TSHZ2: variants seen among roughly 807,000 people sequenced by gnomAD.
TSHZ2 encodes the protein teashirt zinc finger homeobox 2, also known as teashirt homolog 2.
TSHZ2 carries 21 observed loss-of-function variants against 74.4 expected under a neutral mutation model. The ratio of observed to expected loss-of-function variants is 0.28; its 90% CI spans 0.20 to 0.41. TSHZ2 has a LOEUF of 0.41. Among genes scored for constraint, TSHZ2 ranks in the 10% least tolerant of loss-of-function variants. The pLI is 1.00. For synonymous variants in TSHZ2, 540 were observed against 515.3 expected (o/e 1.05, Z -0.65); for missense variants, 1,244 against 1,293.5 (o/e 0.96, Z 0.59).
chr20:52,992,069 T>C (rs1353976859), intron 1 of TSHZ2, among the ~76,000 whole-genome samples: 1 of 152,180 alleles, frequency 6.6e-6, no homozygotes, highest in East Asian at 1.9e-4. Context: ...GAAAATTTGC[T>C]CTCAATGGGA....
rs976652188 is a variant in TSHZ2 at position 53,494,767 on chromosome 20, TC to T, written c.*7634del. The T allele has an allele frequency of 2.0e-5, 3 of 152,088 alleles. No homozygotes were observed. The highest frequency in any genetic ancestry group is 7.2e-5 in the African/African-American group (3 of 41,480). The allele number at this position is 152,088 out of a possible 1,614,324, so 9.4% of individuals were successfully genotyped here. A position where few individuals can be genotyped will look rare whatever the true frequency, so the allele number is the denominator to read the frequency against. On this transcript the variant is annotated 3_prime_UTR_variant, in exon 3 of 3. Coordinates refer to ENST00000371497, the MANE Select transcript of TSHZ2 (RefSeq NM_173485.6). ...CCAAGGTTATATGGAGCCCCTGATT[TC>T]CATCAAAAAGGTTTCTATAAGTATA...
intron 2 of TSHZ2, among the ~76,000 whole-genome samples, chr20:53,320,060 G>A (rs575161123): frequency 1.3e-5 from 2 of 152,128 alleles, no homozygotes; most frequent in Non-Finnish European, 1.5e-5. Context: ...ATCTTTCTGA[G>A]CCTATGCACT....
chr20:53,158,704 A>T (rs1253293412), intron 1 of TSHZ2, among the ~76,000 whole-genome samples: 1 of 152,128 alleles, frequency 6.6e-6, no homozygotes, highest in Non-Finnish European at 1.5e-5. Flanking sequence ...TCCAGCTGTG[A>T]TAATGTCGTG....
At chr20:52,999,843 C>A (rs982871079) in intron 1 of TSHZ2, among the ~76,000 whole-genome samples, 32 of 152,148 alleles carry the variant, frequency 2.1e-4, no homozygotes, top group African/African-American at 7.5e-4. Flanking sequence ...TATACCCCAA[C>A]CATGTGAAAT....
intron 1 of TSHZ2, among the ~76,000 whole-genome samples, chr20:52,991,661 A>G (rs1293983703): frequency 6.6e-6 from 1 of 151,102 alleles, no homozygotes. Context: ...AGAGAATGTG[A>G]AAGCTTTTCT....
intron 1 of TSHZ2, among the ~76,000 whole-genome samples, chr20:53,136,834 G>A (rs1385476790): frequency 6.6e-6 from 1 of 152,052 alleles, no homozygotes; most frequent in Non-Finnish European, 1.5e-5. Context: ...GAAAAGAGAT[G>A]TTTGGATTTT....
intron 2 of TSHZ2, among the ~76,000 whole-genome samples, chr20:53,406,612 A>T (rs1982862828): frequency 1.3e-5 from 2 of 152,152 alleles, no homozygotes; most frequent in Admixed American, 1.3e-4. Flanking sequence ...CCTCCTGACC[A>T]TTTCTTGAAC....
chr20:53,256,597 G>T lies in TSHZ2; in HGVS notation c.*8+26G>T. 2 of 1,535,392 alleles carry T rather than the reference G, an allele frequency of 1.3e-6. No homozygotes were observed. Among genetic ancestry groups the T allele is most frequent in the South Asian group, 2.6e-5 (2 of 77,190 alleles). The stretch of plus-strand genomic sequence containing the variant: ...GTATGGGTTTGCTCTGAGGCATTGC[G>T]ATTAGCCTGGTGAGGAGCTTTCTTA... On this transcript the variant is annotated intron_variant, in intron 2 of 2. Transcript: ENST00000371497. The surrounding 1 kb of genome is among the most constrained non-coding windows in gnomAD (Gnocchi z 4.3).
intron 1 of TSHZ2, among the ~76,000 whole-genome samples, chr20:53,003,389 C>T (rs1050236293): frequency 5.3e-5 from 8 of 152,008 alleles, no homozygotes; most frequent in African/African-American, 1.9e-4. Flanking sequence ...ATGAGCAGGC[C>T]TGAGAAAATT....
intron 2 of TSHZ2, among the ~76,000 whole-genome samples, chr20:53,290,659 A>G (rs1395129670): frequency 6.6e-6 from 1 of 152,180 alleles, no homozygotes; most frequent in Non-Finnish European, 1.5e-5. Flanking sequence ...CACAACTATT[A>G]TTGGTTTCAT....
chr20:53,168,180 T>C (rs1456381728), intron 1 of TSHZ2, among the ~76,000 whole-genome samples: 1 of 152,248 alleles, frequency 6.6e-6, no homozygotes, highest in African/African-American at 2.4e-5. Flanking sequence ...CCAATGGCAC[T>C]GTTGACATTT....
intron 2 of TSHZ2, among the ~76,000 whole-genome samples, chr20:53,340,483 T>G (rs947484210): frequency 4.6e-5 from 7 of 152,182 alleles, no homozygotes; most frequent in African/African-American, 1.7e-4. Context: ...TGCACCTGGC[T>G]GCTAAAACAA....
Position 53,098,400 on chromosome 20 carries a change from A to G in TSHZ2, c.40+125067A>G, listed in dbSNP as rs147302145. Among the ~76,000 whole-genome samples the G allele has an allele frequency of 4.9e-4, 74 of 152,366 alleles. 1 individual carries two copies. The East Asian group carries it at 9.4e-3, about 19-fold the overall frequency. On this transcript the variant is annotated intron_variant, in intron 1 of 2. Coordinates refer to ENST00000371497, the MANE Select transcript of TSHZ2 (RefSeq NM_173485.6). ...TATAGTTACCATATGTAACAGATGT[A>G]CGAGATTCACAGCCATTTTGTTCAT... is the stretch of plus-strand genomic sequence containing the variant.
At chr20:53,155,984 T>C (rs945652135) in intron 1 of TSHZ2, among the ~76,000 whole-genome samples, 1 of 152,292 alleles carries the variant, frequency 6.6e-6, no homozygotes, top group East Asian at 1.9e-4. Flanking sequence ...TACATATGTC[T>C]CTAAATGCCT....
chr20:53,314,813 G>C (rs531525491), intron 2 of TSHZ2, among the ~76,000 whole-genome samples: 1 of 152,066 alleles, frequency 6.6e-6, no homozygotes, highest in Admixed American at 6.5e-5. Flanking sequence ...GTAGAAACAG[G>C]GTCTCGCCAT....
intron 2 of TSHZ2, among the ~76,000 whole-genome samples, chr20:53,307,641 T>C (rs567369484): frequency 6.6e-6 from 1 of 152,274 alleles, no homozygotes; most frequent in South Asian, 2.1e-4. Flanking sequence ...TTTTAAAAAA[T>C]TCAGGTTATC....
chr20:53,093,986 T>C (rs1447685377), intron 1 of TSHZ2, among the ~76,000 whole-genome samples: 1 of 89,374 alleles, frequency 1.1e-5, no homozygotes, highest in East Asian at 5.7e-4. Flanking sequence ...TTTTTTGACT[T>C]AGTTTTTTTT....
intron 1 of TSHZ2, among the ~76,000 whole-genome samples, chr20:53,130,669 G>A (rs575807982): frequency 2.1e-4 from 32 of 152,192 alleles, no homozygotes; most frequent in African/African-American, 6.5e-4. Flanking sequence ...TAACAGGGTC[G>A]ACTGATTTCA....
intron 1 of TSHZ2, among the ~76,000 whole-genome samples, chr20:53,147,873 C>T (rs1162774963): frequency 1.3e-5 from 2 of 152,110 alleles, no homozygotes; most frequent in Non-Finnish European, 2.9e-5. Flanking sequence ...TGCACCACCA[C>T]GCCTGGCTAA....
Sources: allele counts gnomAD v4.1 joint callset (sites outside exome capture counted in the v4.1 genomes callset), GRCh38; gene constraint gnomAD v4.1.1; non-coding constraint Gnocchi (gnomAD v3.1); transcripts MANE v1.5; gene names NCBI Gene and HGNC (gene_info 2026-07-23, HGNC 2026-07-21).